The following NKAIN2 variants were observed in gnomAD, a reference collection of about 807,000 sequenced individuals.
The protein encoded by NKAIN2 is sodium/potassium-transporting ATPase subunit beta-1-interacting protein 2.
In NKAIN2, 14 loss-of-function variants were observed where a neutral mutation model predicts 32.6. The observed-to-expected ratio is 0.43, with a 90% confidence interval of 0.28 to 0.67. The LOEUF (loss-of-function observed/expected upper bound fraction) is 0.67, where lower values mean the gene tolerates loss of function less well. Ranked by LOEUF, NKAIN2 falls within the 30% of genes least tolerant of loss-of-function variation. The pLI is 0.17. For missense variants in NKAIN2, 198 were observed against 258.3 expected (o/e 0.77, Z 1.60); for synonymous variants, 80 against 87.2 (o/e 0.92, Z 0.46).
chr6:124,648,620 G>A (rs1784260505), intron 3 of NKAIN2, among the ~76,000 whole-genome samples: 1 of 152,080 alleles, frequency 6.6e-6, no homozygotes, highest in Non-Finnish European at 1.5e-5. Context: ...GAGTGTGATG[G>A]AAGCCAAAGC....
chr6:124,785,483 G>T (rs916397110), intron 4 of NKAIN2, among the ~76,000 whole-genome samples: 1 of 152,024 alleles, frequency 6.6e-6, no homozygotes, highest in South Asian at 2.1e-4. Context: ...TGGACATTTG[G>T]GGTATTATGC....
chr6:124,641,912 G>A (rs1184177489), intron 3 of NKAIN2, among the ~76,000 whole-genome samples: 1 of 151,940 alleles, frequency 6.6e-6, no homozygotes, highest in East Asian at 1.9e-4. Context: ...TGTTTTTAGA[G>A]CAATGGTTGT....
intron 1 of NKAIN2, among the ~76,000 whole-genome samples, chr6:123,918,655 A>G (rs1179178551): frequency 1.3e-5 from 2 of 152,164 alleles, no homozygotes; most frequent in Non-Finnish European, 2.9e-5. Flanking sequence ...GGACTGAGTA[A>G]ATCAGATTAC....
At chr6:124,805,920 A>G (rs1404057637) in intron 5 of NKAIN2, among the ~76,000 whole-genome samples, 8 of 151,876 alleles carry the variant, frequency 5.3e-5, no homozygotes, top group East Asian at 3.9e-4. Context: ...GAAATGAAGC[A>G]AGAAGGGAAG....
chr6:123,831,559 C>T (rs1774378277), intron 1 of NKAIN2, among the ~76,000 whole-genome samples: 1 of 149,748 alleles, frequency 6.7e-6, no homozygotes, highest in Non-Finnish European at 1.5e-5. Context: ...AGGTTAATAC[C>T]AAAATAAAGA....
chr6:124,124,454 T>TGCA, intron 1 of NKAIN2, among the ~76,000 whole-genome samples: 1 of 152,210 alleles, frequency 6.6e-6, no homozygotes, highest in Non-Finnish European at 1.5e-5. Context: ...TTATTTGTTA[T>TGCA]GAATAATAGT....
chr6:124,513,370 C>A (rs1778789570), intron 3 of NKAIN2, among the ~76,000 whole-genome samples: 1 of 152,068 alleles, frequency 6.6e-6, no homozygotes, highest in East Asian at 1.9e-4. Flanking sequence ...GTAAATGCAA[C>A]AATATATAGC....
chr6:123,975,224 G>A (rs1778504896), intron 1 of NKAIN2, among the ~76,000 whole-genome samples: 1 of 152,056 alleles, frequency 6.6e-6, no homozygotes, highest in South Asian at 2.1e-4. Context: ...AATAAACTGG[G>A]TTTGAAAGAA....
chr6:124,807,196 G>A (rs532093455), intron 5 of NKAIN2, among the ~76,000 whole-genome samples: 1 of 152,108 alleles, frequency 6.6e-6, no homozygotes, highest in Non-Finnish European at 1.5e-5. Flanking sequence ...ATTTTTTTCA[G>A]CACTACACCA....
intron 1 of NKAIN2, among the ~76,000 whole-genome samples, chr6:124,173,685 A>ATT (rs1385546404): frequency 6.6e-6 from 1 of 152,106 alleles, no homozygotes; most frequent in Non-Finnish European, 1.5e-5. Flanking sequence ...ATCAAATATT[A>ATT]TTTTATCTTG....
intron 1 of NKAIN2, among the ~76,000 whole-genome samples, chr6:123,902,702 A>T (rs1486277795): frequency 6.6e-6 from 1 of 152,168 alleles, no homozygotes; most frequent in African/African-American, 2.4e-5. Flanking sequence ...AGAAGCATCG[A>T]TTTATTCAGA....
intron 1 of NKAIN2, among the ~76,000 whole-genome samples, chr6:124,131,193 G>A (rs1024278750): frequency 2.6e-5 from 4 of 152,094 alleles, no homozygotes; most frequent in Non-Finnish European, 5.9e-5. Flanking sequence ...CACCCAGGCT[G>A]GAGTGCAATG....
intron 1 of NKAIN2, among the ~76,000 whole-genome samples, chr6:124,085,226 T>G (rs772386488): frequency 2.2e-4 from 34 of 152,212 alleles, no homozygotes; most frequent in Non-Finnish European, 4.6e-4. Context: ...GATATTTTAA[T>G]GCAACTACTG....
At chr6:124,265,856 C>CT (rs1794471374) in intron 1 of NKAIN2, among the ~76,000 whole-genome samples, 1 of 152,220 alleles carries the variant, frequency 6.6e-6, no homozygotes, top group African/African-American at 2.4e-5. Flanking sequence ...TGGAGCTCAC[C>CT]TGTAGCCAGG....
At chr6:124,028,199 A>G (rs539415020) in intron 1 of NKAIN2, among the ~76,000 whole-genome samples, 2 of 152,236 alleles carry the variant, frequency 1.3e-5, no homozygotes, top group South Asian at 2.1e-4. Flanking sequence ...CAGAGGTTTC[A>G]TCTAGCTTTA....
At chr6:124,333,434 G>T (rs1202586282) in intron 2 of NKAIN2, among the ~76,000 whole-genome samples, 2 of 151,420 alleles carry the variant, frequency 1.3e-5, no homozygotes, top group Non-Finnish European at 2.9e-5. Context: ...CCAAAGCGGG[G>T]GGATCACCTG....
intron 3 of NKAIN2, among the ~76,000 whole-genome samples, chr6:124,522,500 A>G (rs889033621): frequency 2.6e-5 from 4 of 152,186 alleles, no homozygotes; most frequent in Non-Finnish European, 2.9e-5. Flanking sequence ...TGCCTCAGTG[A>G]ATGGATGTTG....
intron 1 of NKAIN2, among the ~76,000 whole-genome samples, chr6:124,229,992 G>A (rs999117962): frequency 6.6e-6 from 1 of 152,162 alleles, no homozygotes; most frequent in Non-Finnish European, 1.5e-5. Context: ...AGAGGGAGAG[G>A]TTGAACAGTT....
chr6:124,214,035 TA>T (rs1791328857), intron 1 of NKAIN2, among the ~76,000 whole-genome samples: 1 of 152,204 alleles, frequency 6.6e-6, no homozygotes, highest in Admixed American at 6.6e-5. Context: ...GCCAACAATT[TA>T]CTTTCATCTT....
Sources: gnomAD v4.1 joint callset for allele counts (sites outside exome capture counted in the v4.1 genomes callset) on GRCh38, gnomAD v4.1.1 for gene constraint, MANE v1.5 for transcripts, NCBI Gene and HGNC (gene_info 2026-07-23, HGNC 2026-07-21) for gene names.